TMEM266: variants seen among roughly 807,000 people sequenced by gnomAD.
TMEM266 encodes the protein transmembrane protein 266.
Under a neutral mutation model 50.5 loss-of-function variants are expected in TMEM266, and 33 were observed. The observed-to-expected ratio is 0.65, with a 90% confidence interval of 0.50 to 0.87. The LOEUF is 0.87. Among genes scored for constraint, TMEM266 ranks in the 40% least tolerant of loss-of-function variants. The pLI is 0.00. For synonymous variants in TMEM266, 310 were observed against 292.3 expected, an observed-to-expected ratio of 1.06 and a Z score of -0.62; for missense variants, 655 against 695.1, an observed-to-expected ratio of 0.94 and a Z score of 0.65.
rs375873622 is a variant in TMEM266 at position 76,161,653 on chromosome 15, G to A, written c.456+1485G>A. On this transcript the variant is annotated intron_variant, in intron 5 of 10. Transcript: ENST00000388942. The surrounding 1 kb of genome is among the most constrained non-coding windows in gnomAD (Gnocchi z 4.1). ...CTGGTGAGCCTGGGCCTGAGGCTCA[G>A]ATGGAGGGGGCAGATCGCAGCACTG... is the stretch of plus-strand genomic sequence containing the variant. Among the ~76,000 whole-genome samples, 2 of 152,176 alleles carry A rather than the reference G, an allele frequency of 1.3e-5. No individual in the cohort carries two copies. Among genetic ancestry groups the A allele is most frequent in the Admixed American group, 1.3e-4 (2 of 15,290 alleles).
intron 1 of TMEM266, among the ~76,000 whole-genome samples, chr15:76,074,720 AG>A (rs1460251980): frequency 1.3e-5 from 2 of 151,984 alleles, no homozygotes; most frequent in African/African-American, 4.8e-5. Flanking sequence ...AGATGGTTTG[AG>A]AAGAGTCACT....
At chr15:76,076,918 G>T (rs935856973) in intron 1 of TMEM266, among the ~76,000 whole-genome samples, 1 of 151,984 alleles carries the variant, frequency 6.6e-6, no homozygotes, top group African/African-American at 2.4e-5. Context: ...GTCATGTATT[G>T]AGGATAAAAT....
intron 9 of TMEM266, among the ~76,000 whole-genome samples, chr15:76,195,838 G>A (rs1410088161): frequency 2.0e-5 from 3 of 152,232 alleles, no homozygotes; most frequent in Admixed American, 1.3e-4. Context: ...TGAGCACACA[G>A]GGGAGCCAAG....
intron 9 of TMEM266, among the ~76,000 whole-genome samples, chr15:76,194,650 C>T (rs975772069): frequency 5.3e-5 from 8 of 152,298 alleles, no homozygotes; most frequent in Admixed American, 5.2e-4. Context: ...GAATCTGTCC[C>T]ACGCCTCCCT....
Position 76,161,148 on chromosome 15 carries a change from C to T in TMEM266, c.456+980C>T, listed in dbSNP as rs756769745. Among the ~76,000 whole-genome samples, 1 of 152,204 alleles carries T rather than the reference C, an allele frequency of 6.6e-6. No individual in the cohort carries two copies. The highest frequency in any genetic ancestry group is 1.5e-5 in the Non-Finnish European group (1 of 68,036). ...ACTGTGTCACTCTACCCTTGAGTGT[C>T]CCATCCCTGCTATGGGTACATATTA... On this transcript the variant is annotated intron_variant, in intron 5 of 10. Coordinates refer to ENST00000388942, the MANE Select transcript of TMEM266 (RefSeq NM_152335.3). This position sits in a 1 kb window ranked among gnomAD's most constrained non-coding sequence, Gnocchi z 4.1.
rs1441987231 is a variant in TMEM266 at position 76,134,148 on chromosome 15, G to A, written c.-96-20G>A. 2.6e-6 allele frequency: 3 copies of A among 1,137,542 alleles called. No individual in the cohort carries two copies. In the Admixed American group the frequency reaches 6.0e-5, roughly 23 times the overall value. The allele number at this position is 1,137,542 out of a possible 1,614,324, so 70.5% of individuals were successfully genotyped here. On this transcript the variant is annotated intron_variant, in intron 1 of 10. Coordinates refer to ENST00000388942, the MANE Select transcript of TMEM266 (RefSeq NM_152335.3). ...TTGGTTTGGCATCTGAAGGTAATAA[G>A]TTCCTATTTTTGTTTTCAGGGCACT...
chr15:76,113,702 G>A (rs1229668078), intron 1 of TMEM266: 1 of 152,204 alleles, frequency 6.6e-6, no homozygotes, highest in African/African-American at 2.4e-5. Flanking sequence ...AAGGTCAGGA[G>A]ATCGAAACCA....
At chr15:76,115,273 T>C (rs1216929750) in intron 1 of TMEM266, among the ~76,000 whole-genome samples, 1 of 152,188 alleles carries the variant, frequency 6.6e-6, no homozygotes, top group Admixed American at 6.5e-5. Flanking sequence ...TAGGGAACCG[T>C]CAAGTTGCTG....
At chr15:76,064,720 C>T (rs1192863913) in intron 1 of TMEM266, among the ~76,000 whole-genome samples, 1 of 152,198 alleles carries the variant, frequency 6.6e-6, no homozygotes, top group Non-Finnish European at 1.5e-5. Flanking sequence ...AGGCTGATAA[C>T]TCCTATTCCC....
intron 1 of TMEM266, among the ~76,000 whole-genome samples, chr15:76,070,445 G>A (rs1356999176): frequency 1.3e-5 from 2 of 152,200 alleles, no homozygotes; most frequent in Non-Finnish European, 2.9e-5. Flanking sequence ...TAGAATAGAG[G>A]GAGACAAGGA....
chr15:76,189,263 AGGGAG>A (rs2038532428), intron 8 of TMEM266, among the ~76,000 whole-genome samples: 1 of 148,938 alleles, frequency 6.7e-6, no homozygotes, highest in African/African-American at 2.5e-5. Flanking sequence ...GAAGTAAGGA[AGGGAG>A]GAAGGGAGGA....
Position 76,204,300 on chromosome 15 carries a change from G to A in TMEM266, c.1581G>A (p.Arg527=). ...AATCCAAAGAGCAAAAGCTGCACAG[G>A]GTCCCTGAGGCCTAGAGCCTGCCAT... Residue 527 remains arginine (R), a synonymous_variant, in exon 11 of 11, where the codon AGG becomes AGA. Coordinates refer to ENST00000388942, the MANE Select transcript of TMEM266 (RefSeq NM_152335.3). 2 of 1,608,134 alleles carry A rather than the reference G, an allele frequency of 1.2e-6. No homozygotes were observed. Among genetic ancestry groups the A allele is most frequent in the Non-Finnish European group, 1.7e-6 (2 of 1,175,726 alleles).
At chr15:76,178,048 G>A (rs1205350829) in intron 8 of TMEM266, among the ~76,000 whole-genome samples, 2 of 152,190 alleles carry the variant, frequency 1.3e-5, no homozygotes, top group African/African-American at 2.4e-5. Flanking sequence ...CCCGGGGTTC[G>A]GGGCCATTTA....
At chr15:76,144,789 A>G (rs2037732749) in intron 3 of TMEM266, among the ~76,000 whole-genome samples, 1 of 152,174 alleles carries the variant, frequency 6.6e-6, no homozygotes. Flanking sequence ...ACAGACGTGA[A>G]CAGACACTCA....
chr15:76,146,342 A>G (rs2037755421), intron 3 of TMEM266, among the ~76,000 whole-genome samples: 1 of 152,178 alleles, frequency 6.6e-6, no homozygotes, highest in African/African-American at 2.4e-5. Context: ...TTTGTCAAAA[A>G]TAAAAATAAA....
chr15:76,091,483 G>A (rs909592618), intron 1 of TMEM266, among the ~76,000 whole-genome samples: 2 of 150,838 alleles, frequency 1.3e-5, no homozygotes, highest in Non-Finnish European at 3.0e-5. Flanking sequence ...CCAGGAGTTC[G>A]AGGCTGCAGT....
At chr15:76,170,752 C>A (rs566745529) in intron 6 of TMEM266, among the ~76,000 whole-genome samples, 2 of 152,316 alleles carry the variant, frequency 1.3e-5, no homozygotes, top group African/African-American at 4.8e-5. Flanking sequence ...GCCATCTGAA[C>A]TAAGGGCTGG....
At chr15:76,158,120 G>A (rs184083978) in intron 4 of TMEM266, among the ~76,000 whole-genome samples, 41 of 152,304 alleles carry the variant, frequency 2.7e-4, no homozygotes, top group African/African-American at 9.4e-4. Flanking sequence ...CCATTCAGAC[G>A]TCTTGGCCTT....
intron 3 of TMEM266, among the ~76,000 whole-genome samples, chr15:76,138,464 T>C (rs1007266296): frequency 2.6e-5 from 4 of 152,208 alleles, no homozygotes; most frequent in African/African-American, 9.7e-5. Flanking sequence ...CACTCCTTAA[T>C]GACCCATCCA....
Sources: allele counts gnomAD v4.1 joint callset (sites outside exome capture counted in the v4.1 genomes callset), GRCh38; gene constraint gnomAD v4.1.1; non-coding constraint Gnocchi (gnomAD v3.1); transcripts MANE v1.5; gene names NCBI Gene and HGNC (gene_info 2026-07-23, HGNC 2026-07-21).